Variants in COL4A1 observed in about 807,000 individuals in gnomAD.
COL4A1 encodes the protein collagen type IV alpha 1 chain.
Under a neutral mutation model 216.6 loss-of-function variants are expected in COL4A1, and 40 were observed. The ratio of observed to expected loss-of-function variants is 0.18; its 90% CI spans 0.14 to 0.24. The LOEUF (loss-of-function observed/expected upper bound fraction) is 0.24, where lower values mean the gene tolerates loss of function less well. Among genes scored for constraint, COL4A1 ranks in the 10% least tolerant of loss-of-function variants. COL4A1 has a pLI of 1.00. For missense variants in COL4A1, 1,628 were observed against 2,196.8 expected (o/e 0.74, Z 5.18); for synonymous variants, 839 against 810.7 (o/e 1.03, Z -0.59).
At position 110,182,962 on chromosome 13, in the gene COL4A1, C is replaced by A. The variant is rs934016161; in HGVS notation, c.2095+31G>T. ...TTTTCTCACAGAAGTCACAGGTGGA[C>A]CAAAGGCTCGGGTCCGTCTGGCAGG... On this transcript the variant is annotated intron_variant, in intron 28 of 51. Transcript: ENST00000375820. 5 of 1,593,772 alleles carry A rather than the reference C, an allele frequency of 3.1e-6. No individual in the cohort carries two copies. The Admixed American group carries it at 8.6e-5, about 27-fold the overall frequency.
intron 17 of COL4A1, among the ~76,000 whole-genome samples, chr13:110,203,940 G>A (rs1051050538): frequency 6.6e-6 from 1 of 151,860 alleles, no homozygotes; most frequent in Non-Finnish European, 1.5e-5. Context: ...TGGCAACCAG[G>A]GTTTTTCAAT....
At chr13:110,242,165 C>G (rs1465777960) in intron 2 of COL4A1, among the ~76,000 whole-genome samples, 2 of 152,174 alleles carry the variant, frequency 1.3e-5, no homozygotes, top group Non-Finnish European at 2.9e-5. Flanking sequence ...GGGAGGGGAA[C>G]AGTTTGCTTG....
chr13:110,185,359 T>A (rs1402002871), intron 26 of COL4A1, among the ~76,000 whole-genome samples: 1 of 151,942 alleles, frequency 6.6e-6, no homozygotes, highest in Non-Finnish European at 1.5e-5. Context: ...TTGGCCAGGC[T>A]GGTCTCCAAT....
intron 46 of COL4A1, among the ~76,000 whole-genome samples, chr13:110,164,367 C>G (rs903075227): frequency 6.6e-6 from 1 of 152,176 alleles, no homozygotes; most frequent in African/African-American, 2.4e-5. Context: ...TCCTTTACTT[C>G]CCACCCACTC....
chr13:110,251,688 G>T (rs1358863226), intron 1 of COL4A1, among the ~76,000 whole-genome samples: 1 of 152,230 alleles, frequency 6.6e-6, no homozygotes, highest in Non-Finnish European at 1.5e-5. Flanking sequence ...CACCTAGGAA[G>T]AACCCAGGAT....
chr13:110,185,077 C>T (rs1303761262), intron 26 of COL4A1, among the ~76,000 whole-genome samples: 4 of 152,212 alleles, frequency 2.6e-5, no homozygotes, highest in East Asian at 1.9e-4. Context: ...CGAGCCAGAA[C>T]GGCATGCTGT....
intron 1 of COL4A1, among the ~76,000 whole-genome samples, chr13:110,260,775 C>T (rs1002486407): frequency 3.9e-5 from 6 of 152,092 alleles, no homozygotes; most frequent in East Asian, 1.9e-4. Flanking sequence ...GTGGGCCGGG[C>T]GCGGTGGCTC....
intron 28 of COL4A1, 99 bp from the exon 29 acceptor site, chr13:110,181,488 G>T: frequency 8.2e-7 from 1 of 1,222,938 alleles, no homozygotes; most frequent in South Asian, 1.3e-5. Flanking sequence ...CAGAGATGCC[G>T]ACCTGATCTG....
At chr13:110,219,447 G>A (rs557394398) in intron 2 of COL4A1, among the ~76,000 whole-genome samples, 1 of 151,952 alleles carries the variant, frequency 6.6e-6, no homozygotes, top group South Asian at 2.1e-4. Context: ...AAAAAGCGTG[G>A]CTGCAAATCT....
Position 110,205,390 on chromosome 13 carries a change from G to A in COL4A1, c.920C>T (p.Pro307Leu). The change falls in exon 17 of 52, where the codon CCC (proline) becomes CTC (leucine). Residue 307 changes from proline (P) to leucine (L), a missense_variant. Transcript: ENST00000375820. ...GCGGCCTATGAGTCCTGGGTACCCG[G>A]GTTCACCAGGAAAACCCTGAAACCG... ...EKGSPGFPGE[P>L]GYPGLIGRQG... is the part of the protein sequence containing the mutation. The A allele has an allele frequency of 1.2e-6, 2 of 1,614,070 alleles. No individual in the cohort carries two copies. The highest frequency in any genetic ancestry group is 1.7e-6 in the Non-Finnish European group (2 of 1,180,022).
chr13:110,155,422 G>A lies in COL4A1; in HGVS notation c.4641-25C>T, dbSNP rs1357086051. ...CCTGGAAGTGGAGCAGAGACACTCA[G>A]CACAGCCGGGGTGCAGGGCAGAGGC... is the stretch of plus-strand genomic sequence containing the variant. On this transcript the variant is annotated intron_variant, in intron 49 of 51. Coordinates refer to ENST00000375820, the MANE Select transcript of COL4A1 (RefSeq NM_001845.6). The A allele has an allele frequency of 3.8e-6, 6 of 1,576,756 alleles. No homozygotes were observed. In the South Asian group the frequency reaches 6.7e-5, roughly 18 times the overall value.
chr13:110,240,521 AG>A (rs1881516699), intron 2 of COL4A1, among the ~76,000 whole-genome samples: 1 of 152,252 alleles, frequency 6.6e-6, no homozygotes, highest in African/African-American at 2.4e-5. Flanking sequence ...TGTCCTAAGC[AG>A]GGCGCAAGCC....
intron 49 of COL4A1, among the ~76,000 whole-genome samples, chr13:110,159,585 CA>C (rs2055509911): frequency 6.6e-6 from 1 of 152,200 alleles, no homozygotes. Context: ...CATGATCCCA[CA>C]ATTCTACTTC....
intron 48 of COL4A1, among the ~76,000 whole-genome samples, chr13:110,161,666 C>T (rs962916696): frequency 2.6e-5 from 4 of 152,122 alleles, no homozygotes; most frequent in Non-Finnish European, 5.9e-5. Flanking sequence ...GCAGAAAATG[C>T]AGATGCTCTT....
At chr13:110,257,962 T>A (rs1882652479) in intron 1 of COL4A1, among the ~76,000 whole-genome samples, 1 of 152,248 alleles carries the variant, frequency 6.6e-6, no homozygotes, top group African/African-American at 2.4e-5. Flanking sequence ...TCATTCCATG[T>A]CCCTGGTCCT....
At position 110,212,444 on chromosome 13, in the gene COL4A1, T is replaced by A. The variant is rs1419887246; in HGVS notation, c.360A>T (p.Pro120=). 3.7e-6 allele frequency: 6 copies of A among 1,613,930 alleles called. No individual in the cohort carries two copies. Among genetic ancestry groups the A allele is most frequent in the Non-Finnish European group, 5.1e-6 (6 of 1,180,052 alleles). The change falls in exon 6 of 52, where the codon CCA becomes CCT. Residue 120 remains proline, a synonymous_variant. Coordinates refer to ENST00000375820, the MANE Select transcript of COL4A1 (RefSeq NM_001845.6). The stretch of plus-strand genomic sequence containing the variant: ...TTGTGCCATTGCATCCTGGAATACC[T>A]GGGGGGCCTGGCGGGCCGTCTTGGC... ...IPGQDGPPGP[P]GIPGCNGTKG...
intron 2 of COL4A1, among the ~76,000 whole-genome samples, chr13:110,214,378 C>A (rs951713506): frequency 6.6e-6 from 1 of 152,198 alleles, no homozygotes; most frequent in Non-Finnish European, 1.5e-5. Context: ...GCATGGGCTA[C>A]CACGCCTGGC....
chr13:110,252,146 C>A (rs2139259527), intron 1 of COL4A1, among the ~76,000 whole-genome samples: 1 of 152,160 alleles, frequency 6.6e-6, no homozygotes, highest in Non-Finnish European at 1.5e-5. Context: ...GTCTCAGCCT[C>A]CCAAGTAGCT....
intron 1 of COL4A1, among the ~76,000 whole-genome samples, chr13:110,249,623 G>A (rs983457830): frequency 2.0e-4 from 31 of 152,122 alleles, no homozygotes; most frequent in African/African-American, 6.8e-4. Context: ...CAGGGACTTC[G>A]TGCCTTCTGG....
Sources: allele counts gnomAD v4.1 joint callset (sites outside exome capture counted in the v4.1 genomes callset), GRCh38; gene constraint gnomAD v4.1.1; transcripts MANE v1.5; gene names NCBI Gene and HGNC (gene_info 2026-07-23, HGNC 2026-07-21).